FIRRM: variants seen among roughly 807,000 people sequenced by gnomAD.
FIRRM encodes FIGNL1 interacting regulator of recombination and mitosis, also known as FIGNL1-interacting regulator of recombination and mitosis.
the FIRRM span, among the ~76,000 whole-genome samples, chr1:169,811,863 G>A: frequency 1.4e-5 from 2 of 143,054 alleles, no homozygotes; most frequent in East Asian, 3.2e-4. Flanking sequence ...ATAATAGATA[G>A]ATAGATTAGA....
chr1:169,796,669 C>A, the FIRRM span, among the ~76,000 whole-genome samples: 2 of 152,148 alleles, frequency 1.3e-5, no homozygotes, highest in East Asian at 3.8e-4. Flanking sequence ...ATTCATTATT[C>A]CAAAAAAGTT....
At chr1:169,813,734 A>G in the FIRRM span, among the ~76,000 whole-genome samples, 1 of 152,250 alleles carries the variant, frequency 6.6e-6, no homozygotes, top group Non-Finnish European at 1.5e-5. Context: ...ATAGCTCTTC[A>G]AGAAAGTCCA....
At chr1:169,792,454 T>G in the FIRRM span, 2 of 901,138 alleles carry the variant, frequency 2.2e-6, no homozygotes, top group Non-Finnish European at 3.2e-6. Context: ...ACTTACAATT[T>G]GGATAAACAA....
chr1:169,801,597 CAAAAAAAAAA>C, the FIRRM span, among the ~76,000 whole-genome samples: 4 of 124,432 alleles, frequency 3.2e-5, no homozygotes, highest in Non-Finnish European at 6.8e-5. Flanking sequence ...ACCCTTAATT[CAAAAAAAAAA>C]AAAAAAAAAA....
the FIRRM span, chr1:169,832,505 A>G: frequency 1.2e-6 from 2 of 1,607,810 alleles, no homozygotes; most frequent in Middle Eastern, 1.7e-4. Context: ...CCACCCCATC[A>G]GGCAAGGAAG....
At chr1:169,809,905 G>T in the FIRRM span, among the ~76,000 whole-genome samples, 1 of 152,174 alleles carries the variant, frequency 6.6e-6, no homozygotes, top group Non-Finnish European at 1.5e-5. Context: ...CATTTAGGCT[G>T]CTATAACAAA....
chr1:169,851,853 G>A, the FIRRM span: 2 of 1,613,922 alleles, frequency 1.2e-6, no homozygotes, highest in African/African-American at 2.7e-5. Context: ...TGCCAAAGTG[G>A]AACGTGTGAA....
At chr1:169,806,172 AT>A in the FIRRM span, 18 of 771,312 alleles carry the variant, frequency 2.3e-5, no homozygotes, top group Admixed American at 4.1e-4. Flanking sequence ...TTTAGATTGC[AT>A]TTAAAACATT....
the FIRRM span, among the ~76,000 whole-genome samples, chr1:169,796,828 T>A: frequency 6.6e-6 from 1 of 152,192 alleles, no homozygotes; most frequent in Non-Finnish European, 1.5e-5. Context: ...TACCTCAAGA[T>A]CTTTTTGCTC....
the FIRRM span, among the ~76,000 whole-genome samples, chr1:169,797,787 C>G: frequency 2.6e-5 from 4 of 152,200 alleles, no homozygotes; most frequent in Admixed American, 6.5e-5. Context: ...CGTGATCCGC[C>G]TGCCTCAGCC....
chr1:169,852,823 T>C, the FIRRM span: 1 of 1,614,128 alleles, frequency 6.2e-7, no homozygotes, highest in Admixed American at 1.7e-5. Context: ...GGAGTTCCCC[T>C]GGGAAGAAGA....
At chr1:169,812,571 GA>G in the FIRRM span, among the ~76,000 whole-genome samples, 1 of 152,038 alleles carries the variant, frequency 6.6e-6, no homozygotes, top group African/African-American at 2.4e-5. Flanking sequence ...CAAAATAATC[GA>G]AAAGGCTGAG....
chr1:169,827,889 C>T, the FIRRM span: 1 of 1,585,960 alleles, frequency 6.3e-7, no homozygotes, highest in Non-Finnish European at 8.6e-7. Context: ...TTAAGAAGGC[C>T]CTGTTGTTTG....
the FIRRM span, chr1:169,794,991 T>C: frequency 1.2e-6 from 1 of 808,100 alleles, no homozygotes; most frequent in South Asian, 1.6e-5. Context: ...CCAGCCGCCC[T>C]CCTCTCTATG....
the FIRRM span, chr1:169,852,688 A>C: frequency 8.3e-7 from 1 of 1,208,552 alleles, no homozygotes; most frequent in African/African-American, 1.5e-5. Flanking sequence ...TTGTGATCCA[A>C]TGACTAGAAT....
At chr1:169,814,082 A>G in the FIRRM span, among the ~76,000 whole-genome samples, 1 of 152,184 alleles carries the variant, frequency 6.6e-6, no homozygotes, top group African/African-American at 2.4e-5. Flanking sequence ...GTCCATGAAG[A>G]TATATGTACC....
chr1:169,817,085 A>G, the FIRRM span, among the ~76,000 whole-genome samples: 1 of 152,200 alleles, frequency 6.6e-6, no homozygotes, highest in Non-Finnish European at 1.5e-5. Context: ...ACTCTGAAAA[A>G]TAAAACAAAG....
the FIRRM span, chr1:169,852,649 T>C: frequency 3.8e-6 from 3 of 779,670 alleles, no homozygotes; most frequent in East Asian, 7.8e-5. Context: ...GATGACTGTG[T>C]AGGGGTTTTG....
chr1:169,793,981 C>T, the FIRRM span: 1 of 264,334 alleles, frequency 3.8e-6, no homozygotes, highest in Non-Finnish European at 7.0e-6. Context: ...TATTAAACAG[C>T]CACCCCCACC....
Sources: allele counts gnomAD v4.1 joint callset (sites outside exome capture counted in the v4.1 genomes callset), GRCh38; gene constraint gnomAD v4.1.1; transcripts MANE v1.5; gene names NCBI Gene and HGNC (gene_info 2026-07-23, HGNC 2026-07-21).